NRXN3: variants seen among roughly 807,000 people sequenced by gnomAD.
NRXN3 encodes neurexin 3.
NRXN3 carries 32 observed loss-of-function variants against 137.6 expected under a neutral mutation model. The observed-to-expected ratio is 0.23, with a 90% confidence interval of 0.18 to 0.31. The LOEUF is 0.31. Among genes scored for constraint, NRXN3 ranks in the 10% least tolerant of loss-of-function variants. The pLI is 1.00. For missense variants in NRXN3, 1,574 were observed against 2,062.5 expected, an observed-to-expected ratio of 0.76 and a Z score of 4.59; for synonymous variants, 798 against 784.5, an observed-to-expected ratio of 1.02 and a Z score of -0.29.
intron 9 of NRXN3, among the ~76,000 whole-genome samples, chr14:78,809,316 T>C (rs891604821): frequency 4.4e-5 from 3 of 68,216 alleles, no homozygotes; most frequent in South Asian, 9.3e-4. Context: ...CTCCTCAAGA[T>C]GTGGAATCAC....
intron 8 of NRXN3, among the ~76,000 whole-genome samples, chr14:78,743,270 G>A (rs1044198953): frequency 1.3e-5 from 2 of 152,196 alleles, no homozygotes; most frequent in African/African-American, 4.8e-5. Flanking sequence ...CATGGGACAA[G>A]ATGATCTTTA....
intron 4 of NRXN3, among the ~76,000 whole-genome samples, chr14:78,366,108 CACATAAG>C (rs1207848197): frequency 6.6e-6 from 1 of 152,252 alleles, no homozygotes; most frequent in East Asian, 1.9e-4. Flanking sequence ...TAGTGCTTAT[CACATAAG>C]GATGTTTTGA....
intron 16 of NRXN3, among the ~76,000 whole-genome samples, chr14:79,521,612 T>C (rs2153703472): frequency 6.6e-6 from 1 of 152,314 alleles, no homozygotes; most frequent in African/African-American, 2.4e-5. Flanking sequence ...ATTAATTGAG[T>C]TGATACTTTA....
At chr14:79,092,932 G>T (rs2049484572) in intron 15 of NRXN3, among the ~76,000 whole-genome samples, 1 of 152,136 alleles carries the variant, frequency 6.6e-6, no homozygotes, top group African/African-American at 2.4e-5. Flanking sequence ...CCTGAGTACT[G>T]CTGGGCTTTG....
At chr14:78,456,204 G>C (rs183430586) in intron 4 of NRXN3, among the ~76,000 whole-genome samples, 274 of 152,230 alleles carry the variant, frequency 1.8e-3, no homozygotes, top group Non-Finnish European at 2.7e-3. Flanking sequence ...GTTTTTACTT[G>C]TGAAACCATA....
At chr14:79,750,836 C>T (rs904576019) in intron 19 of NRXN3, among the ~76,000 whole-genome samples, 4 of 152,074 alleles carry the variant, frequency 2.6e-5, no homozygotes, top group Non-Finnish European at 5.9e-5. Flanking sequence ...TAAAACCCCC[C>T]AAAAAGTAAA....
At chr14:79,646,747 CTA>C (rs1175971667) in intron 16 of NRXN3, among the ~76,000 whole-genome samples, 1 of 135,604 alleles carries the variant, frequency 7.4e-6, no homozygotes, top group East Asian at 2.0e-4. Flanking sequence ...TCCATCTACA[CTA>C]TGCTATAAGA....
At chr14:79,766,023 AT>A (rs1223083818) in intron 19 of NRXN3, among the ~76,000 whole-genome samples, 1 of 152,154 alleles carries the variant, frequency 6.6e-6, no homozygotes, top group Admixed American at 6.6e-5. Context: ...AAATTAATCA[AT>A]TTTTTAACAT....
At chr14:78,329,158 T>A (rs1210960469) in intron 4 of NRXN3, among the ~76,000 whole-genome samples, 2 of 152,178 alleles carry the variant, frequency 1.3e-5, no homozygotes, top group Admixed American at 1.3e-4. Flanking sequence ...GTTATAAAAA[T>A]AATATAGTAA....
chr14:79,577,612 T>C (rs1602366653), intron 16 of NRXN3, among the ~76,000 whole-genome samples: 1 of 152,214 alleles, frequency 6.6e-6, no homozygotes, highest in African/African-American at 2.4e-5. Context: ...AGTGACTATG[T>C]ATATGTGTGT....
intron 15 of NRXN3, among the ~76,000 whole-genome samples, chr14:79,018,372 T>C (rs1244693784): frequency 6.6e-6 from 1 of 150,930 alleles, no homozygotes; most frequent in Non-Finnish European, 1.5e-5. Flanking sequence ...GAACCTTTGA[T>C]GGGAAAACTG....
At chr14:79,647,987 A>T (rs2153967877) in intron 16 of NRXN3, among the ~76,000 whole-genome samples, 1 of 135,264 alleles carries the variant, frequency 7.4e-6, no homozygotes, top group Non-Finnish European at 1.7e-5. Context: ...TGATTGTTAT[A>T]TTAAGGGTTA....
intron 4 of NRXN3, among the ~76,000 whole-genome samples, chr14:78,386,839 G>A (rs962383147): frequency 8.6e-5 from 13 of 151,478 alleles, no homozygotes; most frequent in African/African-American, 2.7e-4. Context: ...GGAGTGCAGC[G>A]GTGCCATCTT....
chr14:79,584,081 TG>T (rs2097744228), intron 16 of NRXN3, among the ~76,000 whole-genome samples: 1 of 138,072 alleles, frequency 7.2e-6, no homozygotes, highest in Non-Finnish European at 1.5e-5. Context: ...GTTGAATTTC[TG>T]GCTATTACTA....
At chr14:78,722,220 G>A (rs1184366113) in intron 8 of NRXN3, among the ~76,000 whole-genome samples, 1 of 152,142 alleles carries the variant, frequency 6.6e-6, no homozygotes, top group Non-Finnish European at 1.5e-5. Context: ...TTCAACCTGA[G>A]AATGTGAGGG....
intron 3 of NRXN3, among the ~76,000 whole-genome samples, chr14:78,291,953 C>G (rs1339179180): frequency 6.6e-6 from 1 of 151,988 alleles, no homozygotes; most frequent in East Asian, 1.9e-4. Flanking sequence ...CCTTCCTTCC[C>G]CGAAATGCTT....
chr14:79,853,812 T>C, intron 20 of NRXN3: 1 of 990,038 alleles, frequency 1.0e-6, no homozygotes, highest in South Asian at 4.3e-5. Flanking sequence ...ATGCAGAAAT[T>C]CATTCAAAAC....
At chr14:78,692,851 T>C (rs1179161770) in intron 6 of NRXN3, among the ~76,000 whole-genome samples, 1 of 151,710 alleles carries the variant, frequency 6.6e-6, no homozygotes, top group Non-Finnish European at 1.5e-5. Flanking sequence ...GAGGCCGAGG[T>C]GGGTGGATCA....
At chr14:78,941,364 A>G (rs143101410) in intron 10 of NRXN3, among the ~76,000 whole-genome samples, 187 of 152,288 alleles carry the variant, frequency 1.2e-3, no homozygotes, top group Middle Eastern at 3.4e-3. Flanking sequence ...GGCATGATCT[A>G]GGGCTGGCAG....
Sources: gnomAD v4.1 joint callset for allele counts (sites outside exome capture counted in the v4.1 genomes callset) on GRCh38, gnomAD v4.1.1 for gene constraint, MANE v1.5 for transcripts, NCBI Gene and HGNC (gene_info 2026-07-23, HGNC 2026-07-21) for gene names.